Variants in SVIL observed in about 807,000 individuals in gnomAD.
SVIL encodes the protein supervillin, also known as archvillin.
SVIL carries 101 observed loss-of-function variants against 240.4 expected under a neutral mutation model. That is an observed-to-expected ratio of 0.42 (90% confidence interval 0.36 to 0.50). The LOEUF (loss-of-function observed/expected upper bound fraction) is 0.50, where lower values mean the gene tolerates loss of function less well. SVIL is among the 20% of genes least tolerant of loss of function. The pLI, the probability that SVIL is intolerant of heterozygous loss-of-function variation, is 0.01. For synonymous variants in SVIL, 999 were observed against 1,100.0 expected (o/e 0.91, Z 1.82); for missense variants, 2,512 against 2,818.7 (o/e 0.89, Z 2.46).
Position 29,538,857 on chromosome 10 carries a change from T to C in SVIL, c.828-2788A>G, listed in dbSNP as rs115658093. ...GGAACATCTGTAAAATAAATACAAA[T>C]GTATGTAATAAGAAACAAAGAGGCC... is the stretch of plus-strand genomic sequence containing the variant. On this transcript the variant is annotated intron_variant, in intron 6 of 37. Transcript: ENST00000355867. Among the ~76,000 whole-genome samples the C allele has an allele frequency of 1.8e-3, 279 of 152,338 alleles. 2 individuals carry two copies. The highest frequency in any genetic ancestry group is 6.0e-3 in the African/African-American group (250 of 41,572).
chr10:29,465,501 A>C, intron 34 of SVIL, 94 bp downstream of exon 34: 1 of 1,467,440 alleles, frequency 6.8e-7, no homozygotes, highest in Non-Finnish European at 9.1e-7. Context: ...CTTGGCAAAC[A>C]GAAGCTGCTT....
intron 3 of SVIL, among the ~76,000 whole-genome samples, chr10:29,651,908 A>G (rs775636439): frequency 1.2e-4 from 18 of 152,076 alleles, no homozygotes; most frequent in Non-Finnish European, 2.2e-4. Flanking sequence ...ATTGCTCAAG[A>G]CCAAAATTTA....
In SVIL at chr10:29,488,885, A is replaced by T. The variant is rs779435193; in HGVS notation, c.4193-129T>A. 127 of 1,053,470 alleles carry T rather than the reference A, an allele frequency of 1.2e-4. 1 individual carries two copies. The highest frequency in any genetic ancestry group is 1.7e-4 in the Non-Finnish European group (122 of 739,218). The allele number at this position is 1,053,470 out of a possible 1,614,324, so 65.3% of individuals were successfully genotyped here. On this transcript the variant is annotated intron_variant, in intron 22 of 37. Coordinates refer to ENST00000355867, the MANE Select transcript of SVIL (RefSeq NM_021738.3). The stretch of plus-strand genomic sequence containing the variant: ...AAGTTAATCCCGAGAGGGAAAACAT[A>T]CTCAAGTTTGATTAAATGTGCAATT...
intron 1 of SVIL, among the ~76,000 whole-genome samples, chr10:29,589,938 G>A (rs1163775338): frequency 1.3e-5 from 2 of 152,094 alleles, no homozygotes; most frequent in Non-Finnish European, 2.9e-5. Context: ...GGAGGCTGAG[G>A]TGGGTGGATC....
At position 29,484,615 on chromosome 10, in the gene SVIL, A is replaced by C. The variant is rs779536123; in HGVS notation, c.4955+41T>G. 15 of 1,578,034 alleles carry C rather than the reference A, an allele frequency of 9.5e-6. No homozygotes were observed. Among genetic ancestry groups the C allele is most frequent in the Admixed American group, 8.9e-5 (5 of 56,318 alleles). ...GAGAACAGAGGGATCGAAGGGAATC[A>C]GCTCGCTTGAAGAGCTGTCCCCGGG... On this transcript the variant is annotated intron_variant, in intron 27 of 37. Transcript: ENST00000355867. The surrounding 1 kb of genome is among the most constrained non-coding windows in gnomAD (Gnocchi z 4.7).
upstream of SVIL, among the ~76,000 whole-genome samples, chr10:29,639,827 A>G (rs1958428022): frequency 2.0e-5 from 3 of 152,158 alleles, no homozygotes; most frequent in Admixed American, 2.0e-4. Context: ...CAGAAGTGGA[A>G]TGGGCAGATG....
intron 1 of SVIL, among the ~76,000 whole-genome samples, chr10:29,694,149 C>T (rs1442943576): frequency 6.8e-6 from 1 of 147,002 alleles, no homozygotes; most frequent in Non-Finnish European, 1.5e-5. Context: ...CAGGGTAGTG[C>T]TTTGGGAAGC....
At chr10:29,661,350 A>T (rs1959157156) in intron 2 of SVIL, among the ~76,000 whole-genome samples, 1 of 152,178 alleles carries the variant, frequency 6.6e-6, no homozygotes, top group South Asian at 2.1e-4. Context: ...AAAAGCAAGA[A>T]TACAAACAGG....
chr10:29,648,961 G>A (rs1958752116), intron 3 of SVIL, among the ~76,000 whole-genome samples: 1 of 151,744 alleles, frequency 6.6e-6, no homozygotes, highest in Non-Finnish European at 1.5e-5. Flanking sequence ...AACACACTAA[G>A]GCACCCGTCT....
intron 6 of SVIL, 131 bp downstream of exon 6, chr10:29,550,466 A>T: frequency 9.1e-7 from 1 of 1,099,268 alleles, no homozygotes; most frequent in Non-Finnish European, 1.3e-6. Context: ...AAAGAATCAT[A>T]TACTATGATA....
At chr10:29,621,001 A>G (rs1465451535) in intron 1 of SVIL, among the ~76,000 whole-genome samples, 2 of 144,728 alleles carry the variant, frequency 1.4e-5, no homozygotes, top group African/African-American at 2.6e-5. Flanking sequence ...ATGGCGTCTC[A>G]CTATATTTCC....
Position 29,522,597 on chromosome 10 carries a change from T to C in SVIL, c.3202A>G (p.Thr1068Ala), listed in dbSNP as rs758617279. The change falls in exon 16 of 38, where the codon ACA becomes GCA. Residue 1068 changes from threonine to alanine, a missense_variant. This residue lies in a region of SVIL where 1,443 missense variants were observed against 1,486.6 expected (regional missense o/e 0.97). Coordinates refer to ENST00000355867, the MANE Select transcript of SVIL (RefSeq NM_021738.3). ...TGAGCAATAGTTTTCCCAGCAGCTG[T>C]CCCCGTCTGCTCGGAAGTGGGCTCC... ...FGEPTSEQTG[T>A]AAGKTIAQTT... The C allele has an allele frequency of 5.6e-6, 9 of 1,614,010 alleles. No individual in the cohort carries two copies. In the Admixed American group the frequency reaches 1.3e-4, roughly 24 times the overall value.
intron 3 of SVIL, among the ~76,000 whole-genome samples, chr10:29,562,376 T>C (rs1384747470): frequency 1.3e-5 from 2 of 152,220 alleles, no homozygotes; most frequent in African/African-American, 2.4e-5. Flanking sequence ...ACCAAACACG[T>C]GTGAGTGCCT....
chr10:29,693,164 A>T (rs1219475263), intron 1 of SVIL, among the ~76,000 whole-genome samples: 1 of 152,154 alleles, frequency 6.6e-6, no homozygotes, highest in African/African-American at 2.4e-5. Context: ...TCCTCATTTT[A>T]CAGATCAGGA....
intron 6 of SVIL, among the ~76,000 whole-genome samples, chr10:29,539,538 G>C (rs1951990605): frequency 6.6e-6 from 1 of 152,212 alleles, no homozygotes; most frequent in Non-Finnish European, 1.5e-5. Flanking sequence ...ATGAAAATGA[G>C]AGAGGGATGA....
chr10:29,642,470 C>T (rs28544179), intron 3 of SVIL, among the ~76,000 whole-genome samples: 1 of 69,460 alleles, frequency 1.4e-5, no homozygotes, highest in Non-Finnish European at 3.3e-5. Context: ...AAAGAAAGAC[C>T]GACCCCTAAT....
intron 1 of SVIL, among the ~76,000 whole-genome samples, chr10:29,579,594 G>C (rs1319264473): frequency 6.6e-6 from 1 of 152,260 alleles, no homozygotes; most frequent in Admixed American, 6.5e-5. Context: ...TTAGATGACA[G>C]TCACGGTATT....
chr10:29,688,318 C>T (rs1202419524), intron 1 of SVIL, among the ~76,000 whole-genome samples: 3 of 152,218 alleles, frequency 2.0e-5, no homozygotes, highest in African/African-American at 7.2e-5. Flanking sequence ...CTGACCAGTG[C>T]AACGTCAGAA....
Position 29,463,609 on chromosome 10 carries a change from C to T in SVIL, c.6160G>A (p.Glu2054Lys), listed in dbSNP as rs1400236411. 3 of 1,614,112 alleles carry T rather than the reference C, an allele frequency of 1.9e-6. No homozygotes were observed. Among genetic ancestry groups the T allele is most frequent in the Non-Finnish European group, 1.7e-6 (2 of 1,180,016 alleles). The change falls in exon 35 of 38, where the codon GAG becomes AAG. Residue 2054 changes from glutamate (E) to lysine (K), a missense_variant. This residue lies in a region of SVIL where 797 missense variants were observed against 925.3 expected (regional missense o/e 0.86). Transcript: ENST00000355867. ...CACCAGCCTTGCCAGAGGTACACCTCGTGGTGATTGTCAACAAGGAAAAGT... is the reference window on the plus strand; with the variant it reads ...CACCAGCCTTGCCAGAGGTACACCTTGTGGTGATTGTCAACAAGGAAAAGT... ...PALFLVDNHH[E>K]VYLWQGWWPI...
Sources: gnomAD v4.1 joint callset for allele counts (sites outside exome capture counted in the v4.1 genomes callset) on GRCh38, gnomAD v4.1.1 for gene constraint, gnomAD v4.1.1 regional missense constraint, Gnocchi (gnomAD v3.1) non-coding constraint, MANE v1.5 for transcripts, NCBI Gene and HGNC (gene_info 2026-07-23, HGNC 2026-07-21) for gene names.